Variants in HIBCH observed in about 807,000 individuals in gnomAD.
HIBCH encodes 3-hydroxyisobutyryl-CoA hydrolase, mitochondrial.
HIBCH carries 50 observed loss-of-function variants against 58.2 expected under a neutral mutation model. That is an observed-to-expected ratio of 0.86 (90% CI 0.68 to 1.09). The LOEUF (loss-of-function observed/expected upper bound fraction) is 1.09. Among genes scored for constraint, HIBCH ranks in the 50% least tolerant of loss-of-function variants. The pLI is 0.00. For synonymous variants in HIBCH, 151 were observed against 146.9 expected (o/e 1.03, Z -0.20); for missense variants, 450 against 449.7 (o/e 1.00, Z -0.01).
At chr2:190,256,443 C>CAAA (rs775861983) in intron 7 of HIBCH, among the ~76,000 whole-genome samples, 1 of 102,152 alleles carries the variant, frequency 9.8e-6, no homozygotes, top group Non-Finnish European at 2.0e-5. Context: ...TCCAATTCTG[C>CAAA]AAAAAAAAAA....
intron 6 of HIBCH, among the ~76,000 whole-genome samples, chr2:190,270,419 A>C (rs936854537): frequency 2.0e-5 from 3 of 152,208 alleles, no homozygotes; most frequent in Non-Finnish European, 4.4e-5. Context: ...TAAATATTCC[A>C]AAGTAAACAG....
rs200194813 is a variant in HIBCH at position 190,308,023 on chromosome 2, CTT to C, written c.78+2729_78+2730del. Among the ~76,000 whole-genome samples, 280 of 152,364 alleles carry C rather than the reference CTT, an allele frequency of 1.8e-3. 11 individuals carry two copies. In the East Asian group the frequency reaches 0.051, roughly 28 times the overall value. On this transcript the variant is annotated intron_variant, in intron 2 of 13. Transcript: ENST00000359678. ...TGAAATAAAAAGGATCTCTCCCTCT[CTT>C]TCTCTTTCTCTCTCTCTGTCTCAGA...
At chr2:190,287,986 C>T (rs1687873168) in intron 5 of HIBCH, among the ~76,000 whole-genome samples, 1 of 151,692 alleles carries the variant, frequency 6.6e-6, no homozygotes, top group Non-Finnish European at 1.5e-5. Context: ...GCAAAACTCC[C>T]TCTCTTAAAA....
At chr2:190,253,525 A>G (rs766731673) in intron 7 of HIBCH, among the ~76,000 whole-genome samples, 38 of 152,230 alleles carry the variant, frequency 2.5e-4, no homozygotes, top group Non-Finnish European at 4.0e-4. Context: ...CACCTACCTC[A>G]ATAAAGGGTG....
Position 190,243,544 on chromosome 2 carries a change from AC to A in HIBCH, c.891+1342del, listed in dbSNP as rs1686512865. On this transcript the variant is annotated intron_variant, in intron 11 of 13. Coordinates refer to ENST00000359678, the MANE Select transcript of HIBCH (RefSeq NM_014362.4). The surrounding 1 kb of genome is among the most constrained non-coding windows in gnomAD (Gnocchi z 4.1). ...TGGAAGTTGTTAATATTAACAATCT[AC>A]TTTTGTGAGTTAGGCAAATAAATGG... Among the ~76,000 whole-genome samples the A allele has an allele frequency of 6.6e-6, 1 of 152,208 alleles. No individual in the cohort carries two copies. Among genetic ancestry groups the A allele is most frequent in the Non-Finnish European group, 1.5e-5 (1 of 68,036 alleles).
intron 11 of HIBCH, among the ~76,000 whole-genome samples, chr2:190,241,815 T>C (rs187132353): frequency 1.2e-4 from 18 of 152,322 alleles, no homozygotes; most frequent in African/African-American, 4.3e-4. Flanking sequence ...GATTGTATGG[T>C]TTCTACACAG....
chr2:190,192,854 T>C lies in HIBCH; in HGVS notation c.*18-2857A>G, dbSNP rs554657263. ...TAGAAATTACTTTTTATATGTCACT[T>C]TTATATGTTAAGACCTTGCTACAAT... On this transcript the variant is annotated intron_variant, in intron 1 of 1. Coordinates refer to the HIBCH transcript ENST00000399855. Among the ~76,000 whole-genome samples the C allele has an allele frequency of 3.3e-5, 5 of 152,292 alleles. No individual in the cohort carries two copies. The South Asian group carries it at 8.3e-4, about 25-fold the overall frequency.
At chr2:190,240,557 T>C (rs1290032584) in intron 11 of HIBCH, among the ~76,000 whole-genome samples, 1 of 152,222 alleles carries the variant, frequency 6.6e-6, no homozygotes, top group Admixed American at 6.5e-5. Context: ...CTTGCTTCTC[T>C]AGTTCTTTTA....
chr2:190,257,080 T>C (rs1005012038), intron 7 of HIBCH, among the ~76,000 whole-genome samples: 1 of 152,162 alleles, frequency 6.6e-6, no homozygotes, highest in Non-Finnish European at 1.5e-5. Context: ...GTTATAAACC[T>C]AAGTAGCTCA....
intron 5 of HIBCH, among the ~76,000 whole-genome samples, chr2:190,289,196 G>A (rs1467161557): frequency 6.6e-6 from 1 of 151,866 alleles, no homozygotes; most frequent in Non-Finnish European, 1.5e-5. Context: ...TGAGTATACA[G>A]CTTTTTTCAT....
rs146284219 is a variant in HIBCH, at chr2:190,319,716, C to T, written c.35G>A (p.Arg12Lys). 2.2e-5 allele frequency: 35 copies of T among 1,612,354 alleles called. No individual in the cohort carries two copies. The African/African-American group carries it at 3.7e-4, about 17-fold the overall frequency. Residue 12 changes from arginine (R) to lysine (K), a missense_variant and splice_region_variant, in exon 1 of 14, where the codon AGG becomes AAG. Arg to Lys is a conservative substitution (Grantham distance 26, BLOSUM62 2). Transcript: ENST00000359678. ...GQREMWRLMS[R>K]FNAFKRTNTI... is the part of the protein sequence containing the mutation. ...CTTGGCCCCTCGCTCTCTCACTCAC[C>T]TCGACATGAGCCTCCACATCTCGCG...
At chr2:190,273,245 T>G (rs928886441) in intron 6 of HIBCH, among the ~76,000 whole-genome samples, 1 of 151,808 alleles carries the variant, frequency 6.6e-6, no homozygotes, top group Non-Finnish European at 1.5e-5. Flanking sequence ...ATACAAAAAT[T>G]AGCCAGGTGT....
intron 7 of HIBCH, chr2:190,260,455 A>T (rs866200112): frequency 6.6e-6 from 1 of 152,228 alleles, no homozygotes; most frequent in African/African-American, 2.4e-5. Flanking sequence ...TAGTGTTAAG[A>T]TGTCAATTCT....
In HIBCH at chr2:190,294,622, T is replaced by C; in HGVS notation, c.228A>G (p.Glu76=). Reference sequence around the variant, plus strand: ...TGATCAGGAAAGTTTCAGGATCTTGTTCCCACTTCTATTCAAATGTAACAG... The same window carrying C: ...TGATCAGGAAAGTTTCAGGATCTTGCTCCCACTTCTATTCAAATGTAACAG... ...RQIYPQLKKW[E]QDPETFLIII... The change falls in exon 4 of 14, where the codon GAA becomes GAG. Residue 76 remains glutamate, a synonymous_variant. Transcript: ENST00000359678. 1 of 1,609,394 alleles carries C rather than the reference T, an allele frequency of 6.2e-7. No homozygotes were observed.
At chr2:190,237,602 T>C (rs184934116) in intron 11 of HIBCH, among the ~76,000 whole-genome samples, 385 of 152,254 alleles carry the variant, frequency 2.5e-3, no homozygotes, top group African/African-American at 8.9e-3. Context: ...GAGTTTATGT[T>C]TAACTTTGTA....
At chr2:190,269,317 C>T (rs291426) in intron 6 of HIBCH, among the ~76,000 whole-genome samples, 110,507 of 152,000 alleles carry the variant, frequency 0.73, 40,615 homozygotes, top group Non-Finnish European at 0.75. Context: ...TGAGAGAAAA[C>T]TTTTGCAAGC....
chr2:190,202,147 CAG>C (rs1690263484), downstream of HIBCH: 1 of 167,138 alleles, frequency 6.0e-6, no homozygotes, highest in South Asian at 2.1e-4. Flanking sequence ...AGGGGTGTGA[CAG>C]AGATGCCTGC....
intron 7 of HIBCH, among the ~76,000 whole-genome samples, chr2:190,256,974 C>A (rs1370321068): frequency 1.3e-5 from 2 of 151,918 alleles, no homozygotes; most frequent in Non-Finnish European, 2.9e-5. Flanking sequence ...CATAAGTGAG[C>A]CTTATAGAAG....
At chr2:190,247,005 T>TA (rs1686627514) in intron 9 of HIBCH, among the ~76,000 whole-genome samples, 2 of 151,704 alleles carry the variant, frequency 1.3e-5, no homozygotes. Flanking sequence ...AATAAGACTT[T>TA]TTTTTTTTTT....
Sources: gnomAD v4.1 joint callset for allele counts (sites outside exome capture counted in the v4.1 genomes callset) on GRCh38, gnomAD v4.1.1 for gene constraint, Gnocchi (gnomAD v3.1) non-coding constraint, MANE v1.5 for transcripts, NCBI Gene and HGNC (gene_info 2026-07-23, HGNC 2026-07-21) for gene names.